The following TAFA5 variants were observed in gnomAD, a reference collection of about 807,000 sequenced individuals.
The protein encoded by TAFA5 is chemokine-like protein TAFA-5.
TAFA5 carries 6 observed loss-of-function variants against 15.3 expected under a neutral mutation model. That is an observed-to-expected ratio of 0.39 (90% CI 0.21 to 0.77). The LOEUF is 0.77. Ranked by LOEUF, TAFA5 falls within the 30% of genes least tolerant of loss-of-function variation. The probability of loss-of-function intolerance (pLI) is 0.41; values close to 1 mark genes in which losing one functional copy is unlikely to be tolerated. For missense variants in TAFA5, 161 were observed against 193.1 expected, an observed-to-expected ratio of 0.83 and a Z score of 0.98; for synonymous variants, 103 against 80.7, an observed-to-expected ratio of 1.28 and a Z score of -1.48.
At chr22:48,727,271 TATGAAAAACAATTGGTGCATGAAAA>T (rs1929741886) in intron 3 of TAFA5, among the ~76,000 whole-genome samples, 1 of 152,172 alleles carries the variant, frequency 6.6e-6, no homozygotes, top group East Asian at 1.9e-4. Context: ...CTCTGTATAT[TATGAAAAACAATTGGTGCATGAAAA>T]TAACGTGGTC....
At chr22:48,584,284 C>CACCA (rs1555889853) in intron 1 of TAFA5, among the ~76,000 whole-genome samples, 29 of 148,068 alleles carry the variant, frequency 2.0e-4, no homozygotes, top group East Asian at 8.3e-4. Flanking sequence ...CACACACACA[C>CACCA]CACACACAGC....
chr22:48,499,127 A>G (rs1290995462), intron 1 of TAFA5, among the ~76,000 whole-genome samples: 1 of 152,006 alleles, frequency 6.6e-6, no homozygotes. Flanking sequence ...GCACGTTTCC[A>G]CACACTTCTG....
In TAFA5 at chr22:48,720,639, C is replaced by A. The variant is rs1251023055; in HGVS notation, c.390+12795C>A. Among the ~76,000 whole-genome samples, 4 of 152,194 alleles carry A rather than the reference C, an allele frequency of 2.6e-5. No homozygotes were observed. In the South Asian group the frequency reaches 6.2e-4, roughly 24 times the overall value. On this transcript the variant is annotated intron_variant, in intron 3 of 3. Transcript: ENST00000402357. ...GGTGCGGGGAGCCTGGTCTCCAAGA[C>A]ATGGGGAGACACCCTGTCTTGTTGC...
intron 2 of TAFA5, among the ~76,000 whole-genome samples, chr22:48,700,084 T>TG (rs1221729842): frequency 2.0e-5 from 3 of 152,172 alleles, no homozygotes; most frequent in African/African-American, 7.2e-5. Context: ...CATGGGCCCC[T>TG]GGGACAGCAT....
At chr22:48,642,109 C>G (rs1191118752) in intron 1 of TAFA5, among the ~76,000 whole-genome samples, 1 of 152,054 alleles carries the variant, frequency 6.6e-6, no homozygotes, top group Non-Finnish European at 1.5e-5. Flanking sequence ...GTGAAGGGGC[C>G]TGTGCTTTGC....
At chr22:48,551,065 G>A (rs1922838591) in intron 1 of TAFA5, among the ~76,000 whole-genome samples, 1 of 151,990 alleles carries the variant, frequency 6.6e-6, no homozygotes. Context: ...GGAACATCAT[G>A]CAAAGTCCTC....
intron 3 of TAFA5, among the ~76,000 whole-genome samples, chr22:48,735,040 G>A (rs1328630547): frequency 6.6e-6 from 1 of 152,226 alleles, no homozygotes; most frequent in African/African-American, 2.4e-5. Flanking sequence ...GACAGCAAAC[G>A]CCTGACCCTG....
chr22:48,555,890 C>G (rs1318970872), intron 1 of TAFA5, among the ~76,000 whole-genome samples: 1 of 152,164 alleles, frequency 6.6e-6, no homozygotes, highest in Non-Finnish European at 1.5e-5. Flanking sequence ...AGGGGCTGGG[C>G]CTGGCCTTGG....
At chr22:48,582,849 C>A (rs1394708534) in intron 1 of TAFA5, among the ~76,000 whole-genome samples, 255 of 146,546 alleles carry the variant, frequency 1.7e-3, no homozygotes, top group African/African-American at 6.0e-3. Context: ...ACACAAAATA[C>A]ACCACACACA....
At chr22:48,510,646 G>C (rs11090849) in intron 1 of TAFA5, among the ~76,000 whole-genome samples, 32,760 of 152,226 alleles carry the variant, frequency 0.22, 3,524 homozygotes, top group African/African-American at 0.25. Context: ...ATTGAGCAGA[G>C]AGCAGCCCCT....
chr22:48,686,972 TGATG>T (rs756422503), intron 2 of TAFA5, among the ~76,000 whole-genome samples: 11 of 138,970 alleles, frequency 7.9e-5, no homozygotes, highest in Non-Finnish European at 1.4e-4. Flanking sequence ...ATGAGTGAAT[TGATG>T]GATGGGAGGA....
chr22:48,725,299 G>A (rs191173297), intron 3 of TAFA5, among the ~76,000 whole-genome samples: 16 of 152,092 alleles, frequency 1.1e-4, no homozygotes, highest in Non-Finnish European at 2.1e-4. Flanking sequence ...GGTTTAAAAG[G>A]GCATTTTTTT....
chr22:48,496,592 G>A (rs75375449), intron 1 of TAFA5, among the ~76,000 whole-genome samples: 6,585 of 152,286 alleles, frequency 0.043, 253 homozygotes, highest in African/African-American at 0.11. Flanking sequence ...GGGCCCACTT[G>A]TGGTAGGCGA....
At chr22:48,732,843 C>T (rs1411536980) in intron 3 of TAFA5, among the ~76,000 whole-genome samples, 1 of 152,212 alleles carries the variant, frequency 6.6e-6, no homozygotes, top group Non-Finnish European at 1.5e-5. Flanking sequence ...GCAACCACCG[C>T]CCTGATCAGT....
intron 3 of TAFA5, among the ~76,000 whole-genome samples, chr22:48,747,895 T>TAA (rs130233): frequency 2.5e-5 from 3 of 121,590 alleles, no homozygotes; most frequent in South Asian, 2.8e-4. Context: ...AGACTCTGTC[T>TAA]AAAAAAAAAA....
intron 3 of TAFA5, among the ~76,000 whole-genome samples, chr22:48,712,390 C>G (rs1029329001): frequency 3.9e-5 from 6 of 152,132 alleles, no homozygotes; most frequent in Non-Finnish European, 1.5e-5. Flanking sequence ...AGGCCGTCAC[C>G]CCATTAGTGG....
intron 1 of TAFA5, among the ~76,000 whole-genome samples, chr22:48,607,349 A>G (rs1280639640): frequency 2.2e-3 from 164 of 73,338 alleles, no homozygotes; most frequent in East Asian, 3.7e-3. Context: ...CCTGGAGCAG[A>G]TCTGTCCTGG....
rs116112989 is a variant in TAFA5 at position 48,526,434 on chromosome 22, A to G, written c.112+36730A>G. ...AGTCTTCCAGGAGCTGTCGCCCCAGACACATCTGAATACTGGCCACCTGGA... is the reference window on the plus strand; with the variant it reads ...AGTCTTCCAGGAGCTGTCGCCCCAGGCACATCTGAATACTGGCCACCTGGA... On this transcript the variant is annotated intron_variant, in intron 1 of 3. Transcript: ENST00000402357. Among the ~76,000 whole-genome samples, 350 of 152,286 alleles carry G rather than the reference A, an allele frequency of 2.3e-3. 1 individual carries two copies. The highest frequency in any genetic ancestry group is 7.6e-3 in the African/African-American group (314 of 41,558).
At chr22:48,507,974 C>T (rs764018858) in intron 1 of TAFA5, among the ~76,000 whole-genome samples, 3 of 152,178 alleles carry the variant, frequency 2.0e-5, no homozygotes, top group Non-Finnish European at 4.4e-5. Context: ...GTGGGGAGAA[C>T]CATCGCCCAG....
Sources: gnomAD v4.1 joint callset for allele counts (sites outside exome capture counted in the v4.1 genomes callset) on GRCh38, gnomAD v4.1.1 for gene constraint, MANE v1.5 for transcripts, NCBI Gene and HGNC (gene_info 2026-07-23, HGNC 2026-07-21) for gene names.